The following C8A variants were observed in gnomAD, a reference collection of about 807,000 sequenced individuals.
C8A encodes the protein complement component C8 alpha chain.
A neutral mutation model predicts 65.3 loss-of-function variants in C8A; 67 were observed. The observed-to-expected ratio is 1.03, with a 90% CI of 0.84 to 1.26. The LOEUF (loss-of-function observed/expected upper bound fraction) is 1.26. C8A is among the 50% of genes most tolerant of loss of function. The pLI is 0.00. For missense variants in C8A, 781 were observed against 723.9 expected (o/e 1.08, Z -0.90); for synonymous variants, 290 against 259.4 (o/e 1.12, Z -1.13).
chr1:56,861,820 C>T lies in C8A; in HGVS notation c.78-5789C>T, dbSNP rs996412389. ...AATTAGTGATAATCAGATTTTAATA[C>T]AAGCTGAGCCAATTTATTGGGATAA... On this transcript the variant is annotated intron_variant, in intron 1 of 10. Coordinates refer to ENST00000361249, the MANE Select transcript of C8A (RefSeq NM_000562.3). 6.0e-4 allele frequency among the ~76,000 whole-genome samples: 92 copies of T among 152,172 alleles called. 1 individual carries two copies. The highest frequency in any genetic ancestry group is 2.4e-4 in the Non-Finnish European group (16 of 68,028).
In C8A at chr1:56,855,143, C is replaced by A. The variant is rs1216180134; in HGVS notation, c.77+165C>A. ...AGGATGGGACAGTGAAAAGACCGTGCACTTGGAGTCAAATTGGTCTATGTG... is the reference window on the plus strand; with the variant it reads ...AGGATGGGACAGTGAAAAGACCGTGAACTTGGAGTCAAATTGGTCTATGTG... On this transcript the variant is annotated intron_variant, in intron 1 of 10. Transcript: ENST00000361249. 3.3e-5 allele frequency among the ~76,000 whole-genome samples: 5 copies of A among 152,184 alleles called. No individual in the cohort carries two copies. The East Asian group carries it at 7.7e-4, about 23-fold the overall frequency.
chr1:56,864,635 C>T (rs1570314442), intron 1 of C8A, among the ~76,000 whole-genome samples: 1 of 152,080 alleles, frequency 6.6e-6, no homozygotes, highest in African/African-American at 2.4e-5. Flanking sequence ...AACCGAGCAA[C>T]CAGAGAGTTG....
chr1:56,901,280 G>A (rs1644424507), intron 7 of C8A, among the ~76,000 whole-genome samples: 1 of 152,118 alleles, frequency 6.6e-6, no homozygotes, highest in Non-Finnish European at 1.5e-5. Flanking sequence ...CAACATGAAT[G>A]GTATTTGTTT....
intron 2 of C8A, among the ~76,000 whole-genome samples, chr1:56,871,617 C>A (rs1261243850): frequency 1.3e-5 from 2 of 152,138 alleles, no homozygotes; most frequent in Non-Finnish European, 2.9e-5. Context: ...GGTGGCAGAG[C>A]TGGAATTCTA....
At chr1:56,899,371 T>C (rs796227381) in intron 7 of C8A, among the ~76,000 whole-genome samples, 7 of 152,320 alleles carry the variant, frequency 4.6e-5, no homozygotes, top group Admixed American at 1.3e-4. Flanking sequence ...ACACAGGCCT[T>C]GGTTCAATCC....
At chr1:56,885,370 T>TTACGTAAA (rs1236518518) in intron 6 of C8A, among the ~76,000 whole-genome samples, 24 of 68,576 alleles carry the variant, frequency 3.5e-4, no homozygotes, top group Admixed American at 1.4e-3. Flanking sequence ...AAATATATAT[T>TTACGTAAA]TATATTTATT....
At position 56,917,688 on chromosome 1, in the gene C8A, G is replaced by A. The variant is rs747356514; in HGVS notation, c.1727G>A (p.Gly576Glu). The A allele has an allele frequency of 3.1e-6, 5 of 1,614,102 alleles. No homozygotes were observed. Among genetic ancestry groups the A allele is most frequent in the Admixed American group, 1.7e-5 (1 of 60,012 alleles). The change falls in exon 11 of 11, where the codon GGG becomes GAG. Residue 576 changes from glycine to glutamate, a missense_variant. Coordinates refer to ENST00000361249, the MANE Select transcript of C8A (RefSeq NM_000562.3). ...CAGAATGGAGGGGCCTCGTGTCCAG[G>A]GCGGAAAGTACAGACGCAGGCTTGC... ...APQNGGASCPGRKVQTQAC is the reference protein window; with the variant it reads ...APQNGGASCPERKVQTQAC
chr1:56,874,846 T>C (rs1360935889), intron 2 of C8A, 103 bp from the exon 3 acceptor site: 1 of 1,267,176 alleles, frequency 7.9e-7, no homozygotes, highest in African/African-American at 1.5e-5. Flanking sequence ...GTCTCAATCA[T>C]TAGATAATTA....
At chr1:56,870,440 T>C (rs1644133679) in intron 2 of C8A, among the ~76,000 whole-genome samples, 1 of 152,150 alleles carries the variant, frequency 6.6e-6, no homozygotes, top group Non-Finnish European at 1.5e-5. Flanking sequence ...TGCTGCCTCA[T>C]CTGTGTGTCT....
chr1:56,875,226 G>A (rs1159801695), intron 3 of C8A, 133 bp downstream of exon 3: 9 of 1,024,094 alleles, frequency 8.8e-6, no homozygotes, highest in African/African-American at 3.2e-5. Context: ...GGTTTGGGAT[G>A]GGTCCTAGGA....
intron 4 of C8A, 54 bp from the exon 5 acceptor site, chr1:56,881,391 A>C: frequency 6.4e-7 from 1 of 1,568,716 alleles, no homozygotes; most frequent in Non-Finnish European, 8.8e-7. Context: ...CCCATCACCC[A>C]GGTATAAAAC....
intron 1 of C8A, among the ~76,000 whole-genome samples, chr1:56,862,222 T>C (rs1310880826): frequency 1.3e-5 from 2 of 152,182 alleles, no homozygotes; most frequent in African/African-American, 4.8e-5. Context: ...TTGCAAACGA[T>C]TTTCCCTGTT....
intron 10 of C8A, among the ~76,000 whole-genome samples, chr1:56,916,257 T>C (rs1644550428): frequency 6.6e-6 from 1 of 152,218 alleles, no homozygotes; most frequent in Non-Finnish European, 1.5e-5. Context: ...AGTTAGTTCA[T>C]TGCAGGCAGC....
At chr1:56,914,226 G>C (rs1644533384) in intron 10 of C8A, among the ~76,000 whole-genome samples, 1 of 152,172 alleles carries the variant, frequency 6.6e-6, no homozygotes, top group Admixed American at 6.5e-5. Flanking sequence ...CTAAAGGAGA[G>C]AAGCTATAGC....
intron 9 of C8A, among the ~76,000 whole-genome samples, chr1:56,908,638 AC>A (rs1438671001): frequency 6.6e-6 from 1 of 152,174 alleles, no homozygotes; most frequent in African/African-American, 2.4e-5. Context: ...TTGGACTTGG[AC>A]CCAGGCTGCA....
At chr1:56,856,989 G>T (rs1319143166) in intron 1 of C8A, among the ~76,000 whole-genome samples, 1 of 151,988 alleles carries the variant, frequency 6.6e-6, no homozygotes, top group Non-Finnish European at 1.5e-5. Context: ...TTGCTTAGAA[G>T]TTTTTAATTT....
intron 7 of C8A, among the ~76,000 whole-genome samples, chr1:56,900,265 T>C (rs1008790229): frequency 6.6e-6 from 1 of 152,208 alleles, no homozygotes; most frequent in Non-Finnish European, 1.5e-5. Flanking sequence ...TGTTTGAGTA[T>C]GGCATATCTT....
In C8A at chr1:56,865,746, T is replaced by C. The variant is rs546220320; in HGVS notation, c.78-1863T>C. Reference sequence around the variant, plus strand: ...ATTACTTGTTACTAATGACAAGATTTGAGCTTCTATGAGAAAATTAAAATT... The same window carrying C: ...ATTACTTGTTACTAATGACAAGATTCGAGCTTCTATGAGAAAATTAAAATT... On this transcript the variant is annotated intron_variant, in intron 1 of 10. Coordinates refer to ENST00000361249, the MANE Select transcript of C8A (RefSeq NM_000562.3). Among the ~76,000 whole-genome samples the C allele has an allele frequency of 4.6e-5, 7 of 152,338 alleles. No homozygotes were observed. In the East Asian group the frequency reaches 1.2e-3, roughly 25 times the overall value.
intron 9 of C8A, among the ~76,000 whole-genome samples, chr1:56,911,067 T>TTTTTTTTG (rs1644501671): frequency 7.0e-6 from 1 of 141,990 alleles, no homozygotes; most frequent in South Asian, 2.1e-4. Context: ...AAACATGGGT[T>TTTTTTTTG]TTTTTTTTTT....
Sources: allele counts gnomAD v4.1 joint callset (sites outside exome capture counted in the v4.1 genomes callset), GRCh38; gene constraint gnomAD v4.1.1; transcripts MANE v1.5; gene names NCBI Gene and HGNC (gene_info 2026-07-23, HGNC 2026-07-21).